The following DOK6 variants were observed in gnomAD, a reference collection of about 807,000 sequenced individuals.
DOK6 encodes docking protein 6, also known as downstream of tyrosine kinase 6.
Under a neutral mutation model 44.0 loss-of-function variants are expected in DOK6, and 22 were observed. That is an observed-to-expected ratio of 0.50 (90% CI 0.36 to 0.71). The LOEUF (loss-of-function observed/expected upper bound fraction) is 0.71. Ranked by LOEUF, DOK6 falls within the 30% of genes least tolerant of loss-of-function variation. The pLI, the probability that DOK6 is intolerant of heterozygous loss-of-function variation, is 0.00. For missense variants in DOK6, 340 were observed against 416.4 expected, an observed-to-expected ratio of 0.82 and a Z score of 1.60; for synonymous variants, 166 against 145.5, an observed-to-expected ratio of 1.14 and a Z score of -1.01.
chr18:69,474,560 A>G (rs747611610), intron 1 of DOK6, among the ~76,000 whole-genome samples: 1 of 152,214 alleles, frequency 6.6e-6, no homozygotes, highest in East Asian at 1.9e-4. Context: ...TGGTTTGTAC[A>G]TGGTTTAATG....
rs1043539598 is a variant in DOK6 at position 69,846,672 on chromosome 18, A to G, written c.*5289A>G. On this transcript the variant is annotated 3_prime_UTR_variant, in exon 8 of 8. Transcript: ENST00000382713. ...ACACATTAAGTAGGTGTTTGTGTTTAGCAGTCCTACTAATTCATCACAATC... is the reference window on the plus strand; with the variant it reads ...ACACATTAAGTAGGTGTTTGTGTTTGGCAGTCCTACTAATTCATCACAATC... 6.6e-6 allele frequency: 1 copy of G among 152,220 alleles called. No homozygotes were observed. Among genetic ancestry groups the G allele is most frequent in the Non-Finnish European group, 1.5e-5 (1 of 68,032 alleles). The allele number at this position is 152,220 out of a possible 1,614,324, so 9.4% of individuals were successfully genotyped here.
At chr18:69,499,534 G>A (rs1980990536) in intron 1 of DOK6, among the ~76,000 whole-genome samples, 1 of 152,136 alleles carries the variant, frequency 6.6e-6, no homozygotes, top group Non-Finnish European at 1.5e-5. Context: ...CAAAACACAA[G>A]CTAAGGACTT....
intron 7 of DOK6, among the ~76,000 whole-genome samples, chr18:69,836,783 G>T (rs4891778): frequency 0.91 from 138,359 of 152,216 alleles, 64,104 homozygotes; most frequent in Non-Finnish European, 0.99. Context: ...GTTTTTAATT[G>T]AAGCCACAGA....
chr18:69,401,375 G>GC, intron 1 of DOK6, 65 bp downstream of exon 1: 1 of 1,422,470 alleles, frequency 7.0e-7, no homozygotes, highest in South Asian at 1.5e-5. Context: ...TGCCTGGGGG[G>GC]GGGGCAGGGA....
chr18:69,477,656 C>T (rs2053520), intron 1 of DOK6, among the ~76,000 whole-genome samples: 43,423 of 151,982 alleles, frequency 0.29, 7,189 homozygotes, highest in African/African-American at 0.44. Flanking sequence ...TCAAAGATGA[C>T]CCAATTCTTG....
chr18:69,652,396 T>G (rs1014587590), intron 3 of DOK6, among the ~76,000 whole-genome samples: 1 of 152,202 alleles, frequency 6.6e-6, no homozygotes, highest in Non-Finnish European at 1.5e-5. Context: ...CCCTTCCTTT[T>G]ACAAAGAGTG....
chr18:69,647,156 T>C (rs1477572523), intron 3 of DOK6, among the ~76,000 whole-genome samples: 2 of 149,584 alleles, frequency 1.3e-5, no homozygotes, highest in Non-Finnish European at 3.0e-5. Flanking sequence ...TATCCATCTA[T>C]CCTATCCATC....
At chr18:69,703,370 A>G (rs1338354833) in intron 5 of DOK6, among the ~76,000 whole-genome samples, 1 of 152,188 alleles carries the variant, frequency 6.6e-6, no homozygotes, top group Non-Finnish European at 1.5e-5. Context: ...TATGGTAAGA[A>G]CTAAAGAAAC....
intron 1 of DOK6, among the ~76,000 whole-genome samples, chr18:69,443,073 C>T (rs1350171477): frequency 1.3e-5 from 2 of 151,998 alleles, no homozygotes; most frequent in South Asian, 2.1e-4. Context: ...GATACGAATA[C>T]GCCTGTTTAC....
chr18:69,810,963 G>A (rs910541038), intron 7 of DOK6, among the ~76,000 whole-genome samples: 5 of 151,966 alleles, frequency 3.3e-5, no homozygotes, highest in African/African-American at 9.7e-5. Context: ...TTAGCCAAAG[G>A]AAATGAAATC....
chr18:69,462,668 T>G (rs891070090), intron 1 of DOK6, among the ~76,000 whole-genome samples: 1 of 152,348 alleles, frequency 6.6e-6, no homozygotes, highest in East Asian at 1.9e-4. Flanking sequence ...AAAAATGTTT[T>G]TATACAGCAT....
chr18:69,751,742 C>T (rs932086594), intron 6 of DOK6, among the ~76,000 whole-genome samples: 2 of 152,052 alleles, frequency 1.3e-5, no homozygotes, highest in Admixed American at 6.6e-5. Context: ...CAGTGGCTCA[C>T]ACCTCTAATG....
intron 1 of DOK6, among the ~76,000 whole-genome samples, chr18:69,538,482 A>T (rs983461606): frequency 1.3e-5 from 2 of 152,224 alleles, no homozygotes; most frequent in Admixed American, 1.3e-4. Flanking sequence ...TCCTGGGCTC[A>T]AGCGATCCTC....
intron 1 of DOK6, among the ~76,000 whole-genome samples, chr18:69,511,689 A>G (rs997189803): frequency 1.3e-5 from 2 of 152,218 alleles, no homozygotes; most frequent in African/African-American, 4.8e-5. Context: ...TTACAGACCA[A>G]TCTCATCCCA....
At chr18:69,498,139 G>A (rs1033379987) in intron 1 of DOK6, among the ~76,000 whole-genome samples, 19 of 152,160 alleles carry the variant, frequency 1.2e-4, no homozygotes, top group Admixed American at 1.2e-3. Context: ...ATGTGCATAG[G>A]AGATCAGAAT....
chr18:69,434,923 G>GA (rs1324110399), intron 1 of DOK6, among the ~76,000 whole-genome samples: 1 of 49,970 alleles, frequency 2.0e-5, no homozygotes, highest in Non-Finnish European at 3.7e-5. Flanking sequence ...TCTGTCAAAA[G>GA]AAAAAAGGGA....
chr18:69,796,075 G>C (rs1980736395), intron 7 of DOK6, among the ~76,000 whole-genome samples: 1 of 152,182 alleles, frequency 6.6e-6, no homozygotes, highest in Non-Finnish European at 1.5e-5. Flanking sequence ...CGGCAGTGCA[G>C]GGAAAGCTGG....
intron 2 of DOK6, among the ~76,000 whole-genome samples, chr18:69,572,117 G>A (rs1356111389): frequency 6.6e-6 from 1 of 152,086 alleles, no homozygotes; most frequent in African/African-American, 2.4e-5. Flanking sequence ...GGAGCAATAT[G>A]CAAAAGGGCT....
At chr18:69,837,363 A>G (rs1039307982) in intron 7 of DOK6, among the ~76,000 whole-genome samples, 3 of 152,160 alleles carry the variant, frequency 2.0e-5, no homozygotes, top group African/African-American at 7.2e-5. Flanking sequence ...CACTTCTGTC[A>G]TAATTAACCC....
Sources: gnomAD v4.1 joint callset for allele counts (sites outside exome capture counted in the v4.1 genomes callset) on GRCh38, gnomAD v4.1.1 for gene constraint, MANE v1.5 for transcripts, NCBI Gene and HGNC (gene_info 2026-07-23, HGNC 2026-07-21) for gene names.